FSD1: variants seen among roughly 807,000 people sequenced by gnomAD.
FSD1 encodes fibronectin type III and SPRY domain-containing protein 1.
A neutral mutation model predicts 58.2 loss-of-function variants in FSD1; 23 were observed. The ratio of observed to expected loss-of-function variants is 0.40; its 90% CI spans 0.28 to 0.56. FSD1 has a LOEUF of 0.56. Ranked by LOEUF, FSD1 falls within the 20% of genes least tolerant of loss-of-function variation. The pLI, the probability that FSD1 is intolerant of heterozygous loss-of-function variation, is 0.54. For missense variants in FSD1, 563 were observed against 670.8 expected (o/e 0.84, Z 1.78); for synonymous variants, 265 against 263.4 (o/e 1.01, Z -0.06).
chr19:4,305,291 C>T (rs1274771334), intron 1 of FSD1, among the ~76,000 whole-genome samples: 2 of 150,834 alleles, frequency 1.3e-5, no homozygotes, highest in African/African-American at 4.9e-5. Context: ...CACCTTTGCC[C>T]AGGTAATTTC....
At chr19:4,314,149 G>A (rs374053410) in intron 7 of FSD1, among the ~76,000 whole-genome samples, 2 of 152,340 alleles carry the variant, frequency 1.3e-5, no homozygotes, top group East Asian at 1.9e-4. Flanking sequence ...TAATCAGCCA[G>A]CTAGTTATCT....
At chr19:4,309,010 G>C (rs1034958997) in intron 4 of FSD1, among the ~76,000 whole-genome samples, 1 of 152,220 alleles carries the variant, frequency 6.6e-6, no homozygotes, top group African/African-American at 2.4e-5. Flanking sequence ...GGGAGGCAGA[G>C]CTTGCAGTGA....
chr19:4,318,358 G>A lies in FSD1; in HGVS notation c.812G>A (p.Arg271His), dbSNP rs189542513. ...VTLETPAFMF[R>H]LDASTSHQNL... Reference sequence around the variant, plus strand: ...TGCCCGGCCCCAGCGTTCATGTTCCGCCTGGATGCGTCCACATCCCACCAG... The same window carrying A: ...TGCCCGGCCCCAGCGTTCATGTTCCACCTGGATGCGTCCACATCCCACCAG... Residue 271 changes from arginine to histidine, a missense_variant, in exon 9 of 13, where the codon CGC becomes CAC. By Grantham distance (29) the Arg-to-His change is conservative. Coordinates refer to ENST00000221856, the MANE Select transcript of FSD1 (RefSeq NM_024333.3). 35 of 1,613,698 alleles carry A rather than the reference G, an allele frequency of 2.2e-5. No homozygotes were observed. The highest frequency in any genetic ancestry group is 1.1e-4 in the East Asian group (5 of 44,840).
At chr19:4,304,843 T>TCCC in intron 1 of FSD1, 82 bp downstream of exon 1, 1 of 363,822 alleles carries the variant, frequency 2.7e-6, no homozygotes, top group East Asian at 6.1e-5. Context: ...GCGCCCCCAC[T>TCCC]CCCTCCCCGC....
chr19:4,310,982 G>A (rs1971683615), intron 6 of FSD1: 1 of 174,318 alleles, frequency 5.7e-6, no homozygotes, highest in Non-Finnish European at 1.2e-5. Context: ...AGAATAGCAC[G>A]TCCTGTGGGG....
At chr19:4,315,108 C>T (rs1488566675) in intron 7 of FSD1, among the ~76,000 whole-genome samples, 3 of 151,704 alleles carry the variant, frequency 2.0e-5, no homozygotes, top group Non-Finnish European at 4.4e-5. Flanking sequence ...GGGTTATTTT[C>T]TTCTTTCTTT....
In FSD1 at chr19:4,323,037, C is replaced by T. The variant is rs558999778; in HGVS notation, c.1091C>T (p.Pro364Leu). Residue 364 changes from proline (P) to leucine (L), a missense_variant, in exon 11 of 13, where the codon CCG becomes CTG. Transcript: ENST00000221856. This position sits in a 1 kb window ranked among gnomAD's most constrained non-coding sequence, Gnocchi z 7.7. Reference sequence around the variant, plus strand: ...CATTACTGGGAGGTGCGCTACGAGCCGGACAGCAAGGCGTTCGGCGTGGGC... The same window carrying T: ...CATTACTGGGAGGTGCGCTACGAGCTGGACAGCAAGGCGTTCGGCGTGGGC... The part of the protein sequence containing the change: ...GEHYWEVRYE[P>L]DSKAFGVGVA... 11 of 1,612,032 alleles carry T rather than the reference C, an allele frequency of 6.8e-6. No individual in the cohort carries two copies. Among genetic ancestry groups the T allele is most frequent in the South Asian group, 1.1e-5 (1 of 90,990 alleles).
chr19:4,308,712 G>T (rs1971653398), intron 4 of FSD1, among the ~76,000 whole-genome samples: 1 of 152,146 alleles, frequency 6.6e-6, no homozygotes. Flanking sequence ...AAATAAATTA[G>T]CCGGGCGTGG....
chr19:4,310,158 G>C (rs1328767355), intron 4 of FSD1, 115 bp from the exon 5 acceptor site: 1 of 1,127,514 alleles, frequency 8.9e-7, no homozygotes, highest in Admixed American at 1.7e-5. Flanking sequence ...CCAGGAGGTG[G>C]AGGTTGCAGT....
chr19:4,316,157 C>T (rs944858587), intron 7 of FSD1, among the ~76,000 whole-genome samples: 3 of 151,918 alleles, frequency 2.0e-5, no homozygotes, highest in African/African-American at 7.2e-5. Context: ...ACCTCTTGGG[C>T]TCACATGCTC....
intron 6 of FSD1, 26 bp from the exon 7 acceptor site, chr19:4,311,816 C>T: frequency 6.2e-7 from 1 of 1,610,248 alleles, no homozygotes; most frequent in South Asian, 1.1e-5. Context: ...AGAATCCCGA[C>T]CCCCTCTCCT....
chr19:4,322,790 G>A (rs1015187476), intron 10 of FSD1, among the ~76,000 whole-genome samples, 196 bp from the exon 11 acceptor site: 6 of 151,838 alleles, frequency 4.0e-5, no homozygotes, highest in Non-Finnish European at 7.4e-5. Flanking sequence ...GAATAGCTGG[G>A]GTTCAAGGGG....
chr19:4,316,818 A>G (rs1399331268), intron 7 of FSD1, among the ~76,000 whole-genome samples: 2 of 151,106 alleles, frequency 1.3e-5, no homozygotes, highest in African/African-American at 2.4e-5. Context: ...TGGCATGATC[A>G]TGGCTCACTG....
intron 10 of FSD1, among the ~76,000 whole-genome samples, 190 bp downstream of exon 10, chr19:4,319,141 A>G (rs1026214410): frequency 6.6e-6 from 1 of 152,262 alleles, no homozygotes; most frequent in African/African-American, 2.4e-5. Flanking sequence ...GGGGAAAGCC[A>G]GAATTTATGG....
intron 7 of FSD1, among the ~76,000 whole-genome samples, chr19:4,316,173 C>T (rs1054826815): frequency 6.6e-6 from 1 of 151,942 alleles, no homozygotes; most frequent in Admixed American, 6.6e-5. Flanking sequence ...TGCTCCTCCT[C>T]CCTCAGCCTC....
Position 4,317,130 on chromosome 19 carries a change from C to CA in FSD1, c.701-51dup, listed in dbSNP as rs1248385727. The stretch of plus-strand genomic sequence containing the variant: ...GACATGACAGCTTTAACCCATGACT[C>CA]AGAGTCTCAGGGAATAATACACAGT... On this transcript the variant is annotated intron_variant, in intron 7 of 12. Coordinates refer to ENST00000221856, the MANE Select transcript of FSD1 (RefSeq NM_024333.3). 3.2e-5 allele frequency: 32 copies of CA among 1,010,142 alleles called. No homozygotes were observed. The East Asian group carries it at 6.0e-4, about 19-fold the overall frequency. 62.6% of individuals were successfully genotyped at this position (1,010,142 alleles called of 1,614,324 possible).
chr19:4,304,629 G>C lies in FSD1; in HGVS notation c.-118G>C, dbSNP rs549418390. 1.5e-5 allele frequency: 8 copies of C among 539,260 alleles called. No individual in the cohort carries two copies. The highest frequency in any genetic ancestry group is 9.2e-5 in the South Asian group (1 of 10,918). 33.4% of individuals were successfully genotyped at this position (539,260 alleles called of 1,614,324 possible). Reference sequence around the variant, plus strand: ...CGCGCGGTGATGGAGCGCTAACCGGGGGCGCGGCGGCGGCGAGGGCTCGGC... The same window carrying C: ...CGCGCGGTGATGGAGCGCTAACCGGCGGCGCGGCGGCGGCGAGGGCTCGGC... On this transcript the variant is annotated 5_prime_UTR_variant, in exon 1 of 13. Coordinates refer to ENST00000221856, the MANE Select transcript of FSD1 (RefSeq NM_024333.3).
At chr19:4,308,442 G>T (rs2050649086) in intron 4 of FSD1, among the ~76,000 whole-genome samples, 1 of 152,144 alleles carries the variant, frequency 6.6e-6, no homozygotes, top group South Asian at 2.1e-4. Context: ...AAGCATTCAG[G>T]CTGGGTGCAG....
At chr19:4,311,737 G>T (rs1190682276) in intron 6 of FSD1, 105 bp from the exon 7 acceptor site, 2 of 953,018 alleles carry the variant, frequency 2.1e-6, no homozygotes, top group Non-Finnish European at 3.3e-6. Context: ...TTGTGGCCAT[G>T]CCCCCAAAAT....
Sources: allele counts gnomAD v4.1 joint callset (sites outside exome capture counted in the v4.1 genomes callset), GRCh38; gene constraint gnomAD v4.1.1; non-coding constraint Gnocchi (gnomAD v3.1); transcripts MANE v1.5; gene names NCBI Gene and HGNC (gene_info 2026-07-23, HGNC 2026-07-21).